ANO9: variants seen among roughly 807,000 people sequenced by gnomAD.
ANO9 encodes the protein anoctamin 9, also known as anoctamin-9.
In ANO9, 80 loss-of-function variants were observed where a neutral mutation model predicts 100.5. That is an observed-to-expected ratio of 0.80 (90% CI 0.66 to 0.96). The LOEUF (loss-of-function observed/expected upper bound fraction) is 0.96. Among genes scored for constraint, ANO9 ranks in the 40% least tolerant of loss-of-function variants. The pLI is 0.00. For missense variants in ANO9, 1,064 were observed against 1,072.7 expected (o/e 0.99, Z 0.11); for synonymous variants, 473 against 435.6 (o/e 1.09, Z -1.07).
intron 1 of ANO9, 134 bp downstream of exon 1, chr11:441,787 C>A: frequency 7.4e-7 from 1 of 1,357,368 alleles, no homozygotes. Flanking sequence ...CCTGACCGGG[C>A]AGCCTGCAGG....
chr11:420,073 C>T, intron 19 of ANO9: 3 of 1,321,762 alleles, frequency 2.3e-6, no homozygotes, highest in African/African-American at 3.0e-5. Flanking sequence ...TCCCTAACAC[C>T]TCTCTCCCTT....
At chr11:438,221 C>A (rs1011673925) in intron 1 of ANO9, among the ~76,000 whole-genome samples, 1 of 151,982 alleles carries the variant, frequency 6.6e-6, no homozygotes, top group South Asian at 2.1e-4. Flanking sequence ...AGCCCTCCCC[C>A]CAGGGCAGAG....
Position 430,323 on chromosome 11 carries a change from G to T in ANO9, c.620C>A (p.Thr207Lys), listed in dbSNP as rs149538516. ...YTYMLVPAAL[T>K]GLLVFLSGFS... ...TCCGCTCAGAAAGACTAAGAGGCCC[G>T]TCAGGGCGGCCGGCACCAGCATGTA... The change falls in exon 8 of 23, where the codon ACG becomes AAG. Residue 207 changes from threonine (T) to lysine (K), a missense_variant. Thr to Lys is a moderately conservative substitution (Grantham distance 78). Transcript: ENST00000332826. The T allele has an allele frequency of 1.2e-6, 2 of 1,609,510 alleles. No individual in the cohort carries two copies. Among genetic ancestry groups the T allele is most frequent in the Non-Finnish European group, 8.5e-7 (1 of 1,178,836 alleles).
chr11:418,477 C>G lies in ANO9; in HGVS notation c.2243G>C (p.Trp748Ser). The change falls in exon 23 of 23, where the codon TGG becomes TCG. Residue 748 changes from tryptophan (W) to serine (S), a missense_variant. Physicochemically the swap from Trp to Ser is radical, Grantham distance 177. Coordinates refer to ENST00000332826, the MANE Select transcript of ANO9 (RefSeq NM_001012302.3). ...VKYQRLREKM[W>S]HGRQRLGGVG... Reference sequence around the variant, plus strand: ...CCCACCCAGCCTCTGCCTTCCATGCCACATCTTCTCACGCAGCCTCTGGTA... The same window carrying G: ...CCCACCCAGCCTCTGCCTTCCATGCGACATCTTCTCACGCAGCCTCTGGTA... 6.2e-7 allele frequency: 1 copy of G among 1,613,090 alleles called. No individual in the cohort carries two copies. The highest frequency in any genetic ancestry group is 8.5e-7 in the Non-Finnish European group (1 of 1,180,000).
chr11:428,792 T>C lies in ANO9; in HGVS notation c.950A>G (p.Asp317Gly). 1 of 1,613,274 alleles carries C rather than the reference T, an allele frequency of 6.2e-7. No individual in the cohort carries two copies. The highest frequency in any genetic ancestry group is 1.1e-5 in the South Asian group (1 of 91,084). Reference sequence around the variant, plus strand: ...GTGCTGGTATGGCCGGAGCTTGTAGTCGGGGCAGTTAATGAGCTGAAGTGC... The same window carrying C: ...GTGCTGGTATGGCCGGAGCTTGTAGCCGGGGCAGTTAATGAGCTGAAGTGC... ...EMALQLINCP[D>G]YKLRPYQHSY... The change falls in exon 12 of 23, where the codon GAC (aspartate) becomes GGC (glycine). Residue 317 changes from aspartate (D) to glycine (G), a missense_variant. By Grantham distance (94) the Asp-to-Gly change is moderately conservative (BLOSUM62 -1). Transcript: ENST00000332826.
intron 15 of ANO9, among the ~76,000 whole-genome samples, chr11:424,351 G>A (rs1848371634): frequency 6.6e-6 from 1 of 152,234 alleles, no homozygotes; most frequent in Non-Finnish European, 1.5e-5. Context: ...AAGAGGCACA[G>A]AACTAAGCTC....
chr11:433,819 A>T lies in ANO9; in HGVS notation c.200T>A (p.Ile67Asn). Residue 67 changes from isoleucine (I) to asparagine (N), a missense_variant, in exon 3 of 23, where the codon ATT (isoleucine) becomes AAT (asparagine). Ile to Asn is a moderately radical substitution (Grantham distance 149). Coordinates refer to ENST00000332826, the MANE Select transcript of ANO9 (RefSeq NM_001012302.3). Reference sequence around the variant, plus strand: ...CCTCGCTGGGCACCCGCCCACCTTAATGTGGAAGCCCTTTCTCCTGAGCTC... The same window carrying T: ...CCTCGCTGGGCACCCGCCCACCTTATTGTGGAAGCCCTTTCTCCTGAGCTC... Reference protein sequence around the residue: ...LEELRRKGFHIKVIRDQKQVF... With the variant: ...LEELRRKGFHNKVIRDQKQVF... The T allele has an allele frequency of 6.4e-7, 1 of 1,560,360 alleles. No individual in the cohort carries two copies. The highest frequency in any genetic ancestry group is 8.7e-7 in the Non-Finnish European group (1 of 1,152,650).
chr11:419,546 T>C, intron 20 of ANO9, 36 bp downstream of exon 20: 1 of 1,605,936 alleles, frequency 6.2e-7, no homozygotes, highest in Non-Finnish European at 8.5e-7. Context: ...TAGGGCCAGT[T>C]TCTCCCAGGG....
At chr11:419,903 C>T in intron 19 of ANO9, 174 bp from the exon 20 acceptor site, 3 of 1,424,308 alleles carry the variant, frequency 2.1e-6, no homozygotes, top group South Asian at 3.0e-5. Flanking sequence ...AGCATGGCCT[C>T]TGCGCTCCTG....
chr11:440,757 C>A (rs1845803266), intron 1 of ANO9: 1 of 152,300 alleles, frequency 6.6e-6, no homozygotes, highest in African/African-American at 2.4e-5. Context: ...GCCACCACGC[C>A]CGGGTTCGAG....
intron 20 of ANO9, chr11:419,306 G>A (rs1268262144): frequency 4.3e-6 from 6 of 1,408,184 alleles, no homozygotes; most frequent in African/African-American, 1.4e-5. Context: ...ACCTCACATC[G>A]GGAGGGAGCC....
Position 429,557 on chromosome 11 carries a change from A to G in ANO9, c.915+13T>C, listed in dbSNP as rs1278201366. On this transcript the variant is annotated intron_variant, in intron 11 of 22. Coordinates refer to ENST00000332826, the MANE Select transcript of ANO9 (RefSeq NM_001012302.3). ...TCGGGTCGGCCTCAGCTGCGCTGCCAGCTCCACCTCACCTGTTCCTCGTCC... is the reference window on the plus strand; with the variant it reads ...TCGGGTCGGCCTCAGCTGCGCTGCCGGCTCCACCTCACCTGTTCCTCGTCC... 1 of 1,612,160 alleles carries G rather than the reference A, an allele frequency of 6.2e-7. No homozygotes were observed. The highest frequency in any genetic ancestry group is 8.5e-7 in the Non-Finnish European group (1 of 1,179,736).
In ANO9 at chr11:436,702, T is replaced by TG. The variant is rs1564934944; in HGVS notation, c.7-2605_7-2604insC. Among the ~76,000 whole-genome samples the TG allele has an allele frequency of 9.6e-5, 8 of 83,336 alleles. 3 individuals are homozygous for TG. Among genetic ancestry groups the TG allele is most frequent in the African/African-American group, 2.3e-4 (5 of 21,786 alleles). The allele number at this position is 83,336 out of a possible 152,430, so 54.7% of individuals were successfully genotyped here. A position where few individuals can be genotyped will look rare whatever the true frequency, so the allele number is the denominator to read the frequency against. ...GAGTGAGCAGGAGGTGAGCAGGGGG[T>TG]AAGCAGGGGGTGAGCAGGGGGTGAG... On this transcript the variant is annotated intron_variant, in intron 1 of 22. Transcript: ENST00000332826.
At position 420,446 on chromosome 11, in the gene ANO9, C is replaced by A. The variant is rs558396242; in HGVS notation, c.1786+17G>T. ...GGCCGCCCAGTTCCCGCCCATCCTG[C>A]GCCCGCCCGGTCTGACCGATGTCCT... On this transcript the variant is annotated intron_variant, in intron 19 of 22. Coordinates refer to ENST00000332826, the MANE Select transcript of ANO9 (RefSeq NM_001012302.3). 6.4e-4 allele frequency: 1,026 copies of A among 1,598,374 alleles called. 27 individuals are homozygous for A. In the South Asian group the frequency reaches 0.011, roughly 16 times the overall value.
chr11:440,469 T>G (rs1356414096), intron 1 of ANO9: 1 of 152,328 alleles, frequency 6.6e-6, no homozygotes, highest in Non-Finnish European at 1.5e-5. Context: ...GCAACTGTCC[T>G]TTTTGATCAC....
rs547156661 is a variant in ANO9, at chr11:428,920, C to T, written c.916-94G>A. On this transcript the variant is annotated intron_variant, in intron 11 of 22. Coordinates refer to ENST00000332826, the MANE Select transcript of ANO9 (RefSeq NM_001012302.3). The stretch of plus-strand genomic sequence containing the variant: ...GACACACCTCACGGGTGGACAGACA[C>T]GGGACACTCACCCCACACATGGGGA... The T allele has an allele frequency of 1.6e-4, 191 of 1,183,792 alleles. 3 individuals carry two copies. In the South Asian group the frequency reaches 2.3e-3, roughly 14 times the overall value. The allele number at this position is 1,183,792 out of a possible 1,614,324, so 73.3% of individuals were successfully genotyped here.
chr11:428,139 T>C lies in ANO9; in HGVS notation c.1283A>G (p.Gln428Arg). Residue 428 changes from glutamine (Q) to arginine (R), a missense_variant, in exon 15 of 23, where the codon CAG becomes CGG. Coordinates refer to ENST00000332826, the MANE Select transcript of ANO9 (RefSeq NM_001012302.3). ...GAGAGACGAGAAATGGGTGAAGAAC[T>C]GCAGTGTGAAGAAGCGGATGGTGAA... ...SRFTIRFFTL[Q>R]FFTHFSSLIY... The C allele has an allele frequency of 6.2e-7, 1 of 1,611,326 alleles. No homozygotes were observed. Among genetic ancestry groups the C allele is most frequent in the Non-Finnish European group, 8.5e-7 (1 of 1,179,590 alleles).
At chr11:430,661 A>G (rs1434390368) in intron 7 of ANO9, among the ~76,000 whole-genome samples, 1 of 85,636 alleles carries the variant, frequency 1.2e-5, no homozygotes, top group Non-Finnish European at 2.5e-5. Context: ...TTTTGGTGGC[A>G]TCAGTGAGTC....
rs1179726187 is a variant in ANO9, at chr11:422,991, G to A, written c.1335-1793C>T. Among the ~76,000 whole-genome samples the A allele has an allele frequency of 6.6e-6, 1 of 151,936 alleles. No individual in the cohort carries two copies. Among genetic ancestry groups the A allele is most frequent in the Admixed American group, 6.6e-5 (1 of 15,250 alleles). On this transcript the variant is annotated intron_variant, in intron 15 of 22. Transcript: ENST00000332826. This position sits in a 1 kb window ranked among gnomAD's most constrained non-coding sequence, Gnocchi z 4.3. Reference sequence around the variant, plus strand: ...ATTACAGGTGCGCGCCACCACGCCTGGCTAATTTTTGTATATTTAGTAAAG... The same window carrying A: ...ATTACAGGTGCGCGCCACCACGCCTAGCTAATTTTTGTATATTTAGTAAAG...
Sources: allele counts gnomAD v4.1 joint callset (sites outside exome capture counted in the v4.1 genomes callset), GRCh38; gene constraint gnomAD v4.1.1; non-coding constraint Gnocchi (gnomAD v3.1); transcripts MANE v1.5; gene names NCBI Gene and HGNC (gene_info 2026-07-23, HGNC 2026-07-21).